ANXA4: variants seen among roughly 807,000 people sequenced by gnomAD.
The protein encoded by ANXA4 is annexin A4.
Under a neutral mutation model 49.8 loss-of-function variants are expected in ANXA4, and 39 were observed. The ratio of observed to expected loss-of-function variants is 0.78; its 90% CI spans 0.61 to 1.02. The LOEUF (loss-of-function observed/expected upper bound fraction) is 1.02, where lower values mean the gene tolerates loss of function less well. Among genes scored for constraint, ANXA4 ranks in the 50% least tolerant of loss-of-function variants. The probability of loss-of-function intolerance (pLI) is 0.00; values close to 1 mark genes in which losing one functional copy is unlikely to be tolerated. For missense variants in ANXA4, 360 were observed against 410.1 expected (o/e 0.88, Z 1.05); for synonymous variants, 134 against 152.5 (o/e 0.88, Z 0.89).
intron 1 of ANXA4, among the ~76,000 whole-genome samples, chr2:69,770,639 C>T (rs1328875280): frequency 6.6e-6 from 1 of 152,042 alleles, no homozygotes; most frequent in Non-Finnish European, 1.5e-5. Context: ...CACAATGCAA[C>T]ATCCAGCAGA....
intron 3 of ANXA4, among the ~76,000 whole-genome samples, chr2:69,729,708 T>C (rs1243362133): frequency 2.0e-5 from 3 of 152,244 alleles, no homozygotes; most frequent in Non-Finnish European, 4.4e-5. Context: ...TTTTATACAC[T>C]GTTCATGGAT....
intron 1 of ANXA4, among the ~76,000 whole-genome samples, chr2:69,744,963 G>T (rs1253450510): frequency 6.6e-6 from 1 of 152,092 alleles, no homozygotes; most frequent in Admixed American, 6.6e-5. Context: ...ACTGGAAAGG[G>T]AGCACACTGC....
chr2:69,732,193 G>C (rs1670121942), intron 3 of ANXA4, among the ~76,000 whole-genome samples: 1 of 151,250 alleles, frequency 6.6e-6, no homozygotes, highest in South Asian at 2.1e-4. Context: ...TAGCCAGGAT[G>C]GTCTCAATCT....
intron 2 of ANXA4, among the ~76,000 whole-genome samples, chr2:69,708,193 G>C (rs1410476525): frequency 6.6e-6 from 1 of 152,216 alleles, no homozygotes; most frequent in African/African-American, 2.4e-5. Context: ...GGTCTGAGTA[G>C]TGGAGCTGAG....
chr2:69,801,057 C>T (rs1405746398), intron 3 of ANXA4, among the ~76,000 whole-genome samples: 3 of 152,176 alleles, frequency 2.0e-5, no homozygotes, highest in Non-Finnish European at 2.9e-5. Flanking sequence ...GGTGTGCTAT[C>T]TGCATAGGGC....
chr2:69,648,388 T>C (rs1437386018), intron 1 of ANXA4, among the ~76,000 whole-genome samples: 2 of 152,190 alleles, frequency 1.3e-5, no homozygotes, highest in African/African-American at 4.8e-5. Flanking sequence ...TGGGGCCCCA[T>C]CCAGACCTAC....
At chr2:69,679,126 T>C (rs962530349) in intron 2 of ANXA4, among the ~76,000 whole-genome samples, 1 of 152,138 alleles carries the variant, frequency 6.6e-6, no homozygotes, top group African/African-American at 2.4e-5. Flanking sequence ...GTTTTTTAAA[T>C]TTTATTTTAT....
intron 3 of ANXA4, among the ~76,000 whole-genome samples, chr2:69,735,251 T>C (rs1670213787): frequency 6.6e-6 from 1 of 152,198 alleles, no homozygotes; most frequent in Non-Finnish European, 1.5e-5. Flanking sequence ...GTAACAATGC[T>C]ATCTTAAAGA....
chr2:69,699,680 A>G (rs1246902930), intron 2 of ANXA4, among the ~76,000 whole-genome samples: 1 of 151,818 alleles, frequency 6.6e-6, no homozygotes, highest in Admixed American at 6.6e-5. Flanking sequence ...ACAACAACAG[A>G]AAAAAAACAA....
At chr2:69,667,452 C>T (rs1017582775) in intron 2 of ANXA4, among the ~76,000 whole-genome samples, 1 of 150,866 alleles carries the variant, frequency 6.6e-6, no homozygotes, top group Non-Finnish European at 1.5e-5. Context: ...GGCACATTAC[C>T]CATCTGACCT....
chr2:69,677,287 A>G (rs539592375), intron 2 of ANXA4, among the ~76,000 whole-genome samples: 2 of 152,128 alleles, frequency 1.3e-5, no homozygotes, highest in South Asian at 2.1e-4. Flanking sequence ...CTGGAGTGCA[A>G]TGGCCCATCT....
intron 1 of ANXA4, among the ~76,000 whole-genome samples, chr2:69,743,854 C>A (rs183837549): frequency 3.3e-5 from 5 of 152,158 alleles, no homozygotes; most frequent in African/African-American, 1.2e-4. Context: ...GAGAGTAACC[C>A]GCACAGTCAA....
At chr2:69,679,295 C>T (rs1677516755) in intron 2 of ANXA4, among the ~76,000 whole-genome samples, 2 of 152,126 alleles carry the variant, frequency 1.3e-5, no homozygotes, top group South Asian at 4.1e-4. Context: ...GCCACCATGC[C>T]TGGCTAATTT....
chr2:69,737,746 A>C (rs988398397), upstream of ANXA4, among the ~76,000 whole-genome samples: 1 of 152,128 alleles, frequency 6.6e-6, no homozygotes, highest in Non-Finnish European at 1.5e-5. Flanking sequence ...CTACAGGCTC[A>C]TGTCATCGCA....
chr2:69,817,032 TAATC>T (rs1160394806), intron 9 of ANXA4: 4 of 152,246 alleles, frequency 2.6e-5, no homozygotes, highest in African/African-American at 9.6e-5. Flanking sequence ...TTACTCCTGT[TAATC>T]AATATCCCGG....
intron 1 of ANXA4, among the ~76,000 whole-genome samples, chr2:69,771,573 G>A (rs1005169426): frequency 6.6e-6 from 1 of 152,196 alleles, no homozygotes; most frequent in Non-Finnish European, 1.5e-5. Flanking sequence ...AGAGGAGAAT[G>A]CACCACACTG....
intron 2 of ANXA4, among the ~76,000 whole-genome samples, chr2:69,714,041 C>G (rs1177180432): frequency 6.6e-6 from 1 of 152,204 alleles, no homozygotes. Context: ...CACCTCTGTC[C>G]CACATGAGTT....
intron 1 of ANXA4, among the ~76,000 whole-genome samples, chr2:69,648,337 C>G (rs1171827878): frequency 3.9e-5 from 6 of 152,154 alleles, no homozygotes; most frequent in African/African-American, 1.4e-4. Flanking sequence ...TTCTATGTTG[C>G]CGTCTTTTAG....
intron 1 of ANXA4, among the ~76,000 whole-genome samples, chr2:69,764,404 A>C (rs1431821886): frequency 2.6e-5 from 4 of 152,214 alleles, no homozygotes; most frequent in Admixed American, 2.0e-4. Context: ...TCTTTAAATA[A>C]CAGTTATACT....
Sources: gnomAD v4.1 joint callset for allele counts (sites outside exome capture counted in the v4.1 genomes callset) on GRCh38, gnomAD v4.1.1 for gene constraint, MANE v1.5 for transcripts, NCBI Gene and HGNC (gene_info 2026-07-23, HGNC 2026-07-21) for gene names.